Variants in CA10 observed in about 807,000 individuals in gnomAD.
CA10 encodes carbonic anhydrase 10 (inactive), also known as carbonic anhydrase-related protein 10.
In CA10, 14 loss-of-function variants were observed where a neutral mutation model predicts 44.2. The observed-to-expected ratio is 0.32, with a 90% CI of 0.21 to 0.50. The LOEUF is 0.50. CA10 is among the 20% of genes least tolerant of loss of function. CA10 has a pLI of 0.99. For missense variants in CA10, 350 were observed against 409.7 expected (o/e 0.85, Z 1.26); for synonymous variants, 159 against 141.6 (o/e 1.12, Z -0.87).
At chr17:51,655,670 G>A (rs1913767515) in intron 4 of CA10, among the ~76,000 whole-genome samples, 2 of 152,242 alleles carry the variant, frequency 1.3e-5, no homozygotes. Flanking sequence ...CTAGAGGGAA[G>A]TTGGACTTCA....
intron 4 of CA10, among the ~76,000 whole-genome samples, chr17:51,735,926 G>C (rs1916890656): frequency 6.6e-6 from 1 of 151,982 alleles, no homozygotes; most frequent in African/African-American, 2.4e-5. Context: ...CCGGGGCTAG[G>C]GTAGGAGGGA....
intron 2 of CA10, among the ~76,000 whole-genome samples, chr17:52,027,784 T>G (rs920660962): frequency 2.6e-5 from 4 of 152,144 alleles, no homozygotes; most frequent in African/African-American, 7.2e-5. Flanking sequence ...ATGCTTTGCA[T>G]TTTTCAGATG....
intron 3 of CA10, among the ~76,000 whole-genome samples, chr17:51,796,954 A>C (rs1906731902): frequency 6.6e-6 from 1 of 152,138 alleles, no homozygotes; most frequent in Admixed American, 6.5e-5. Flanking sequence ...CCTCCCTAAC[A>C]ATTATTCAGT....
chr17:51,931,902 G>C (rs1982679116), intron 2 of CA10, among the ~76,000 whole-genome samples: 1 of 152,112 alleles, frequency 6.6e-6, no homozygotes, highest in Non-Finnish European at 1.5e-5. Context: ...TCAGGGCAAG[G>C]GTGGGGAGCC....
chr17:51,991,804 C>T (rs1985050655), intron 2 of CA10, among the ~76,000 whole-genome samples: 1 of 152,036 alleles, frequency 6.6e-6, no homozygotes, highest in South Asian at 2.1e-4. Flanking sequence ...AGCGAAACTC[C>T]ATTTCAAAAT....
chr17:51,962,563 T>A lies in CA10; in HGVS notation c.137-31431A>T, dbSNP rs1052639152. On this transcript the variant is annotated intron_variant, in intron 2 of 8. Transcript: ENST00000451037. ...CAGGCATGTTGGCCACAACCAGCTC[T>A]TACCCATAAGTACCATCTACTGGCT... Among the ~76,000 whole-genome samples the A allele has an allele frequency of 6.7e-4, 102 of 152,152 alleles. 6 individuals are homozygous for A. The highest frequency in any genetic ancestry group is 2.1e-4 in the South Asian group (1 of 4,818).
At chr17:51,894,749 G>A (rs1318690932) in intron 3 of CA10, among the ~76,000 whole-genome samples, 3 of 152,092 alleles carry the variant, frequency 2.0e-5, no homozygotes, top group Non-Finnish European at 2.9e-5. Context: ...TAGTCACTAA[G>A]TTTGTGGTAC....
At chr17:51,999,339 T>C (rs1033627385) in intron 2 of CA10, among the ~76,000 whole-genome samples, 7 of 152,000 alleles carry the variant, frequency 4.6e-5, no homozygotes, top group African/African-American at 1.7e-4. Flanking sequence ...GAAGGATATG[T>C]GTTGCGGCAA....
chr17:52,069,783 C>G (rs1049798233), intron 2 of CA10, among the ~76,000 whole-genome samples: 2 of 152,096 alleles, frequency 1.3e-5, no homozygotes, highest in South Asian at 2.1e-4. Flanking sequence ...TTTTATCCAC[C>G]ACAGCTTTGT....
intron 3 of CA10, among the ~76,000 whole-genome samples, chr17:51,794,218 G>A (rs1406396554): frequency 6.6e-6 from 1 of 152,212 alleles, no homozygotes; most frequent in Admixed American, 6.5e-5. Context: ...TGGTTCCATT[G>A]TGAACAACAA....
At chr17:52,022,862 C>T (rs1986186600) in intron 2 of CA10, among the ~76,000 whole-genome samples, 1 of 152,040 alleles carries the variant, frequency 6.6e-6, no homozygotes, top group South Asian at 2.1e-4. Context: ...TTTACAATAG[C>T]AACAACAACA....
At chr17:51,779,138 G>A (rs547209451) in intron 3 of CA10, among the ~76,000 whole-genome samples, 120 of 152,226 alleles carry the variant, frequency 7.9e-4, no homozygotes, top group African/African-American at 2.5e-3. Context: ...TTTGGGAGTT[G>A]GCAGGTTATA....
At chr17:51,843,623 C>A (rs1341152813) in intron 3 of CA10, among the ~76,000 whole-genome samples, 4 of 151,974 alleles carry the variant, frequency 2.6e-5, no homozygotes, top group Non-Finnish European at 4.4e-5. Context: ...TCAAATAGAT[C>A]CTAGTAATAG....
At chr17:52,094,064 T>C (rs1257359343) in intron 1 of CA10, among the ~76,000 whole-genome samples, 3 of 152,102 alleles carry the variant, frequency 2.0e-5, no homozygotes, top group Non-Finnish European at 4.4e-5. Context: ...AAACACCGCA[T>C]GTTCTCACTC....
chr17:51,703,234 T>C (rs1014701793), intron 4 of CA10, among the ~76,000 whole-genome samples: 2 of 152,222 alleles, frequency 1.3e-5, no homozygotes, highest in Non-Finnish European at 2.9e-5. Context: ...AGGTAATCAA[T>C]AAATGTTGGC....
intron 2 of CA10, among the ~76,000 whole-genome samples, chr17:52,071,112 G>C (rs1987668772): frequency 1.3e-5 from 2 of 152,150 alleles, no homozygotes; most frequent in Non-Finnish European, 2.9e-5. Flanking sequence ...TGTTTCACAT[G>C]AACATAGCTT....
At chr17:51,767,633 A>C (rs1378911644) in intron 3 of CA10, among the ~76,000 whole-genome samples, 2 of 151,988 alleles carry the variant, frequency 1.3e-5, no homozygotes, top group Non-Finnish European at 2.9e-5. Context: ...CATTACATTT[A>C]TTGTGCACTT....
intron 4 of CA10, among the ~76,000 whole-genome samples, chr17:51,654,117 ACTGGC>A (rs1913685654): frequency 6.6e-6 from 1 of 152,198 alleles, no homozygotes; most frequent in East Asian, 1.9e-4. Context: ...AACAGCTGCC[ACTGGC>A]AGCCAGTAAA....
chr17:52,097,458 A>G (rs1315037608), intron 1 of CA10, among the ~76,000 whole-genome samples: 1 of 152,174 alleles, frequency 6.6e-6, no homozygotes, highest in East Asian at 1.9e-4. Context: ...TACTTCTCCC[A>G]GAAAAGCTCA....
Sources: allele counts gnomAD v4.1 joint callset (sites outside exome capture counted in the v4.1 genomes callset), GRCh38; gene constraint gnomAD v4.1.1; transcripts MANE v1.5; gene names NCBI Gene and HGNC (gene_info 2026-07-23, HGNC 2026-07-21).